Variants in PECAM1 observed in about 807,000 individuals in gnomAD.
PECAM1 encodes platelet endothelial cell adhesion molecule.
Under a neutral mutation model 13.8 loss-of-function variants are expected in PECAM1, and 8 were observed. The ratio of observed to expected loss-of-function variants is 0.58; its 90% CI spans 0.34 to 1.05. PECAM1 has a LOEUF of 1.05. PECAM1 is among the 50% of genes least tolerant of loss of function. The pLI is 0.03. For synonymous variants in PECAM1, 136 were observed against 52.6 expected (o/e 2.58, Z -6.86); for missense variants, 304 against 141.2 (o/e 2.15, Z -5.84).
chr17:64,330,797 G>C lies in PECAM1; in HGVS notation c.2165-1075C>G, dbSNP rs965569521. 2.6e-5 allele frequency among the ~76,000 whole-genome samples: 4 copies of C among 151,660 alleles called. No individual in the cohort carries two copies. In the East Asian group the frequency reaches 5.8e-4, roughly 22 times the overall value. The stretch of plus-strand genomic sequence containing the variant: ...TTTCCACTACGATTTGGCTTTTTTG[G>C]GGGTGGGGAGCAGTTATAATTATAC... On this transcript the variant is annotated intron_variant, in intron 14 of 15. Transcript: ENST00000563924.
chr17:64,389,537 T>C (rs2036670612), intron 2 of PECAM1, among the ~76,000 whole-genome samples: 1 of 152,162 alleles, frequency 6.6e-6, no homozygotes, highest in Non-Finnish European at 1.5e-5. Flanking sequence ...ATTTTTATCA[T>C]TTAGGAGTAA....
At chr17:64,360,438 C>T (rs1217349727) in intron 6 of PECAM1, 23 bp from the exon 7 acceptor site, 22 of 474,264 alleles carry the variant, frequency 4.6e-5, no homozygotes, top group Non-Finnish European at 8.5e-5. Context: ...GAGAAACAAT[C>T]CAAAAGGCAC....
intron 2 of PECAM1, among the ~76,000 whole-genome samples, chr17:64,380,518 A>G (rs1416852375): frequency 6.6e-6 from 1 of 152,194 alleles, no homozygotes; most frequent in Non-Finnish European, 1.5e-5. Context: ...TGGGATTGAA[A>G]GTGACTATGT....
At chr17:64,341,798 C>G (rs1023673688) in intron 13 of PECAM1, 108 bp from the exon 14 acceptor site, 11 of 403,692 alleles carry the variant, frequency 2.7e-5, no homozygotes, top group African/African-American at 2.3e-4. Context: ...TGTACCCCAC[C>G]ACTGCACCCC....
At chr17:64,367,359 G>A in intron 5 of PECAM1, among the ~76,000 whole-genome samples, 1 of 152,066 alleles carries the variant, frequency 6.6e-6, no homozygotes, top group Admixed American at 6.6e-5. Context: ...AGACAAGCCC[G>A]GCCAACATGG....
chr17:64,340,668 G>A (rs1014698230), intron 14 of PECAM1, among the ~76,000 whole-genome samples: 1 of 152,112 alleles, frequency 6.6e-6, no homozygotes, highest in South Asian at 2.1e-4. Flanking sequence ...CTTAAGCTCT[G>A]TGCTCAGCTC....
intron 2 of PECAM1, among the ~76,000 whole-genome samples, chr17:64,380,752 T>C (rs1205884966): frequency 6.6e-6 from 1 of 152,112 alleles, no homozygotes; most frequent in African/African-American, 2.4e-5. Context: ...AGCTCACACC[T>C]GTAATCCCAG....
At chr17:64,367,929 C>T (rs1386098693) in intron 5 of PECAM1, among the ~76,000 whole-genome samples, 2 of 152,098 alleles carry the variant, frequency 1.3e-5, no homozygotes. Context: ...CCAGCAGGAC[C>T]CAATGTATAT....
At chr17:64,388,431 A>G (rs979616488) in intron 2 of PECAM1, among the ~76,000 whole-genome samples, 353 of 152,298 alleles carry the variant, frequency 2.3e-3, no homozygotes, top group Non-Finnish European at 2.8e-3. Context: ...GCGGGGGCCA[A>G]TTAATCACCT....
intron 2 of PECAM1, among the ~76,000 whole-genome samples, chr17:64,380,945 ACACTG>A (rs1346816448): frequency 6.6e-6 from 1 of 152,194 alleles, no homozygotes; most frequent in Non-Finnish European, 1.5e-5. Flanking sequence ...TGAGATCACA[ACACTG>A]CACTGGGCGA....
intron 4 of PECAM1, among the ~76,000 whole-genome samples, chr17:64,372,310 T>C: frequency 1.3e-5 from 2 of 152,170 alleles, no homozygotes; most frequent in Non-Finnish European, 2.9e-5. Context: ...AACACTAGCA[T>C]CACTACTGAT....
At chr17:64,387,978 C>T (rs2036634932) in intron 2 of PECAM1, among the ~76,000 whole-genome samples, 2 of 152,160 alleles carry the variant, frequency 1.3e-5, no homozygotes, top group South Asian at 4.1e-4. Context: ...GCCGCCCTGC[C>T]CACCCCCAGT....
At chr17:64,360,733 C>T (rs1376942476) in intron 6 of PECAM1, among the ~76,000 whole-genome samples, 2 of 151,854 alleles carry the variant, frequency 1.3e-5, no homozygotes, top group East Asian at 3.9e-4. Context: ...ATCTCACACG[C>T]ACATGCACAC....
chr17:64,351,661 G>C (rs925531613), intron 11 of PECAM1, among the ~76,000 whole-genome samples: 5 of 152,110 alleles, frequency 3.3e-5, no homozygotes, highest in African/African-American at 4.8e-5. Flanking sequence ...GCTGCAGTGA[G>C]CTGAGATTGC....
intron 9 of PECAM1, 125 bp downstream of exon 9, chr17:64,354,808 A>G (rs1026234050): frequency 1.9e-5 from 8 of 417,182 alleles, no homozygotes; most frequent in Admixed American, 4.4e-5. Context: ...GGTTTGCCCA[A>G]TGAGGAAAAT....
At chr17:64,337,806 A>T (rs201967866) in intron 14 of PECAM1, among the ~76,000 whole-genome samples, 5,198 of 152,170 alleles carry the variant, frequency 0.034, 102 homozygotes, top group East Asian at 0.076. Context: ...ATATGCCACC[A>T]CAAAATATGC....
intron 13 of PECAM1, among the ~76,000 whole-genome samples, chr17:64,346,494 C>A (rs1469372688): frequency 6.6e-6 from 1 of 152,054 alleles, no homozygotes; most frequent in East Asian, 1.9e-4. Context: ...CGCCACCACG[C>A]CCAGCTAATT....
chr17:64,369,384 CTG>C (rs1330677097), intron 5 of PECAM1, among the ~76,000 whole-genome samples: 1 of 152,152 alleles, frequency 6.6e-6, no homozygotes, highest in Non-Finnish European at 1.5e-5. Context: ...GAGTCTTACT[CTG>C]TACAAATCTC....
intron 12 of PECAM1, among the ~76,000 whole-genome samples, chr17:64,349,587 CAAAAA>C (rs72236584): frequency 1.6e-5 from 1 of 64,152 alleles, no homozygotes; most frequent in South Asian, 8.7e-4. Flanking sequence ...GACTCTGTAT[CAAAAA>C]AAAAAAAAAA....
Sources: gnomAD v4.1 joint callset for allele counts (sites outside exome capture counted in the v4.1 genomes callset) on GRCh38, gnomAD v4.1.1 for gene constraint, MANE v1.5 for transcripts, NCBI Gene and HGNC (gene_info 2026-07-23, HGNC 2026-07-21) for gene names.